Variants in CALN1 observed in about 807,000 individuals in gnomAD.
The protein encoded by CALN1 is calcium-binding protein 8.
Under a neutral mutation model 30.6 loss-of-function variants are expected in CALN1, and 17 were observed. That is an observed-to-expected ratio of 0.56 (90% CI 0.38 to 0.83). The LOEUF (loss-of-function observed/expected upper bound fraction) is 0.83. Among genes scored for constraint, CALN1 ranks in the 40% least tolerant of loss-of-function variants. CALN1 has a pLI of 0.00. For missense variants in CALN1, 291 were observed against 354.9 expected (o/e 0.82, Z 1.45); for synonymous variants, 156 against 131.4 (o/e 1.19, Z -1.28).
At chr7:72,276,184 G>A (rs575896489) in intron 3 of CALN1, among the ~76,000 whole-genome samples, 24 of 152,284 alleles carry the variant, frequency 1.6e-4, no homozygotes, top group Admixed American at 4.6e-4. Context: ...GGTCCTGCAC[G>A]CATGGGGGAC....
intron 2 of CALN1, among the ~76,000 whole-genome samples, chr7:72,344,829 C>A (rs1458469784): frequency 1.4e-5 from 2 of 146,488 alleles, no homozygotes; most frequent in East Asian, 2.0e-4. Context: ...AAATATTATA[C>A]ATTAAAAAAT....
chr7:72,345,477 G>A (rs1281034901), intron 2 of CALN1, among the ~76,000 whole-genome samples: 2 of 148,992 alleles, frequency 1.3e-5, no homozygotes, highest in Middle Eastern at 3.3e-3. Flanking sequence ...AGAGAGGGAA[G>A]GGAAGGGAAG....
At chr7:72,270,869 C>CA (rs1341772158) in intron 3 of CALN1, among the ~76,000 whole-genome samples, 7 of 152,190 alleles carry the variant, frequency 4.6e-5, no homozygotes, top group African/African-American at 1.7e-4. Flanking sequence ...ACTGAACTGA[C>CA]ATGTGGGTGG....
chr7:72,262,012 C>T lies in CALN1; in HGVS notation c.244+16674G>A, dbSNP rs371590933. Among the ~76,000 whole-genome samples the T allele has an allele frequency of 4.6e-5, 7 of 152,286 alleles. No individual in the cohort carries two copies. In the South Asian group the frequency reaches 6.2e-4, roughly 14 times the overall value. Reference sequence around the variant, plus strand: ...GGCTCTTCCCATTTTCAGAAAGCTTCGCTCTTCAAACACCACCTCCCGCTT... The same window carrying T: ...GGCTCTTCCCATTTTCAGAAAGCTTTGCTCTTCAAACACCACCTCCCGCTT... On this transcript the variant is annotated intron_variant, in intron 3 of 6. Transcript: ENST00000395275.
intron 3 of CALN1, among the ~76,000 whole-genome samples, chr7:72,258,118 A>AT (rs1305389728): frequency 7.0e-5 from 9 of 128,802 alleles, no homozygotes; most frequent in Non-Finnish European, 1.7e-4. Context: ...TACTGAAATG[A>AT]ATTTTTTAAA....
At position 72,214,536 on chromosome 7, in the gene CALN1, T is replaced by C. The variant is rs538241919; in HGVS notation, c.244+64150A>G. ...AGAAATATCTGCATATTAAGATAGG[T>C]CTTTTGAGGACTTTGAGGCTGCAGT... On this transcript the variant is annotated intron_variant, in intron 3 of 6. Coordinates refer to ENST00000395275, the MANE Select transcript of CALN1 (RefSeq NM_031468.4). Among the ~76,000 whole-genome samples the C allele has an allele frequency of 3.3e-5, 5 of 151,766 alleles. No individual in the cohort carries two copies. The South Asian group carries it at 1.0e-3, about 32-fold the overall frequency.
chr7:72,254,463 C>A (rs1210784018), intron 3 of CALN1, among the ~76,000 whole-genome samples: 1 of 152,160 alleles, frequency 6.6e-6, no homozygotes, highest in Non-Finnish European at 1.5e-5. Flanking sequence ...TGTCCCCACT[C>A]ATCAGCCTCC....
chr7:71,890,016 A>C (rs1402259764), intron 5 of CALN1, among the ~76,000 whole-genome samples: 1 of 152,012 alleles, frequency 6.6e-6, no homozygotes, highest in Admixed American at 6.6e-5. Context: ...ATTCTCAGAG[A>C]AACACAACAG....
chr7:71,833,124 T>C (rs1211625400), intron 5 of CALN1, among the ~76,000 whole-genome samples: 1 of 152,238 alleles, frequency 6.6e-6, no homozygotes, highest in Admixed American at 6.5e-5. Flanking sequence ...TTCTCTGACA[T>C]TCTCTGGCAA....
chr7:72,121,230 T>C (rs1041818163), intron 3 of CALN1, among the ~76,000 whole-genome samples: 1 of 142,702 alleles, frequency 7.0e-6, no homozygotes, highest in Non-Finnish European at 1.5e-5. Flanking sequence ...TATATAACTA[T>C]ATAATTAATA....
intron 5 of CALN1, among the ~76,000 whole-genome samples, chr7:71,919,097 A>G (rs142668723): frequency 1.3e-5 from 2 of 152,200 alleles, no homozygotes; most frequent in Non-Finnish European, 2.9e-5. Context: ...AGCCAATTCT[A>G]TAAATAAGCA....
Position 72,209,119 on chromosome 7 carries a change from CTCCT to C in CALN1, c.244+69563_244+69566del, listed in dbSNP as rs553411578. ...TCTTGTGTCATTTCTCTCTTTTTTA[CTCCT>C]TCCTTCTCTCCCTCTTTCATTCCTT... On this transcript the variant is annotated intron_variant, in intron 3 of 6. Transcript: ENST00000395275. 1.8e-3 allele frequency among the ~76,000 whole-genome samples: 246 copies of C among 135,224 alleles called. 1 individual carries two copies. The highest frequency in any genetic ancestry group is 0.011 in the South Asian group (41 of 3,776). The allele number at this position is 135,224 out of a possible 152,430, so 88.7% of individuals were successfully genotyped here. A position where few individuals can be genotyped will look rare whatever the true frequency, so the allele number is the denominator to read the frequency against.
chr7:72,336,881 C>T, intron 2 of CALN1: 1 of 985,150 alleles, frequency 1.0e-6, no homozygotes, highest in Non-Finnish European at 1.2e-6. Context: ...GGCATCCTCG[C>T]TGCCGCCGGC....
chr7:72,277,389 T>C (rs1304068244), intron 3 of CALN1, among the ~76,000 whole-genome samples: 1 of 152,148 alleles, frequency 6.6e-6, no homozygotes, highest in African/African-American at 2.4e-5. Flanking sequence ...GCACACCTTT[T>C]GCTCAACTGA....
At chr7:72,232,040 C>T (rs1401647846) in intron 3 of CALN1, among the ~76,000 whole-genome samples, 1 of 152,088 alleles carries the variant, frequency 6.6e-6, no homozygotes, top group Non-Finnish European at 1.5e-5. Flanking sequence ...AAAACATATG[C>T]AACTTGGAGA....
chr7:72,496,896 C>T, the CALN1 span, among the ~76,000 whole-genome samples: 2 of 152,018 alleles, frequency 1.3e-5, no homozygotes, highest in Admixed American at 1.3e-4. Flanking sequence ...TTTATTAGGG[C>T]TTATAGTCTT....
intron 4 of CALN1, among the ~76,000 whole-genome samples, chr7:72,034,795 C>CAAAA (rs57756121): frequency 3.2e-4 from 17 of 52,596 alleles, no homozygotes; most frequent in East Asian, 2.0e-3. Flanking sequence ...GACTCTGTCT[C>CAAAA]AAAAAAAAAA....
chr7:72,059,085 T>C (rs1383324684), intron 4 of CALN1, among the ~76,000 whole-genome samples: 3 of 152,224 alleles, frequency 2.0e-5, no homozygotes, highest in African/African-American at 7.2e-5. Context: ...TGAAAACTTC[T>C]GGGATTCACA....
At chr7:72,104,420 G>T (rs1262984337) in intron 4 of CALN1, among the ~76,000 whole-genome samples, 1 of 151,996 alleles carries the variant, frequency 6.6e-6, no homozygotes, top group East Asian at 1.9e-4. Context: ...TTAAGTTCTG[G>T]GGTCCATGTG....
Sources: allele counts gnomAD v4.1 joint callset (sites outside exome capture counted in the v4.1 genomes callset), GRCh38; gene constraint gnomAD v4.1.1; transcripts MANE v1.5; gene names NCBI Gene and HGNC (gene_info 2026-07-23, HGNC 2026-07-21).